The following SECISBP2L variants were observed in gnomAD, a reference collection of about 807,000 sequenced individuals.
SECISBP2L encodes the protein SECIS binding protein 2 like.
In SECISBP2L, 43 loss-of-function variants were observed where a neutral mutation model predicts 114.7. The observed-to-expected ratio is 0.38, with a 90% CI of 0.29 to 0.48. The LOEUF (loss-of-function observed/expected upper bound fraction) is 0.48. Ranked by LOEUF, SECISBP2L falls within the 20% of genes least tolerant of loss-of-function variation. The pLI, the probability that SECISBP2L is intolerant of heterozygous loss-of-function variation, is 0.98. For synonymous variants in SECISBP2L, 451 were observed against 439.7 expected, an observed-to-expected ratio of 1.03 and a Z score of -0.32; for missense variants, 1,136 against 1,301.1, an observed-to-expected ratio of 0.87 and a Z score of 1.95.
Position 48,992,099 on chromosome 15 carries a change from A to AT in SECISBP2L, c.*144dup. On this transcript the variant is annotated 3_prime_UTR_variant, in exon 18 of 18. Transcript: ENST00000559471. Reference sequence around the variant, plus strand: ...CTAATTAAAAGCTAAGCTACAGATCATAACAAGTAAAAGCTACAAAAATAT... The same window carrying AT: ...CTAATTAAAAGCTAAGCTACAGATCATTAACAAGTAAAAGCTACAAAAATAT... The AT allele has an allele frequency of 1.4e-6, 1 of 730,228 alleles. No individual in the cohort carries two copies. The highest frequency in any genetic ancestry group is 2.2e-6 in the Non-Finnish European group (1 of 462,718). The allele number at this position is 730,228 out of a possible 1,614,324, so 45.2% of individuals were successfully genotyped here. A position where few individuals can be genotyped will look rare whatever the true frequency, so the allele number is the denominator to read the frequency against.
chr15:49,037,715 C>G lies in SECISBP2L; in HGVS notation c.79G>C (p.Asp27His), dbSNP rs1156440145. The G allele has an allele frequency of 1.2e-6, 2 of 1,612,792 alleles. No homozygotes were observed. Among genetic ancestry groups the G allele is most frequent in the Admixed American group, 3.3e-5 (2 of 60,006 alleles). ...AGAGCCATAGGGATCATAAATGTAT[C>G]AGGACTCTTCTTCTGGGGAATAAAT... is the stretch of plus-strand genomic sequence containing the variant. ...EPFIPQKKSP[D>H]TFMIPMALPN... The change falls in exon 2 of 18, where the codon GAT becomes CAT. Residue 27 changes from aspartate (D) to histidine (H), a missense_variant. Asp to His is a moderately conservative substitution (Grantham distance 81). Coordinates refer to ENST00000559471, the MANE Select transcript of SECISBP2L (RefSeq NM_001193489.2).
chr15:49,033,971 TG>T (rs1277205779), intron 3 of SECISBP2L, among the ~76,000 whole-genome samples: 1 of 152,248 alleles, frequency 6.6e-6, no homozygotes, highest in Admixed American at 6.5e-5. Context: ...ATTGAAGTGC[TG>T]GGAATGTATT....
chr15:49,035,562 C>T lies in SECISBP2L; in HGVS notation c.300G>A (p.Pro100=), dbSNP rs375212699. The T allele has an allele frequency of 1.3e-5, 21 of 1,614,028 alleles. No homozygotes were observed. Among genetic ancestry groups the T allele is most frequent in the African/African-American group, 2.7e-5 (2 of 74,922 alleles). ...AATATGTATACTCTGTAGAAACAGG[C>T]GGCTGAGCAGATATAATGGGATAGG... The part of the protein sequence containing the change: ...YFAYPIISAQ[P]PVSTEYTYYQ... Residue 100 remains proline (P), a synonymous_variant, in exon 3 of 18, where the codon CCG becomes CCA. Transcript: ENST00000559471.
At position 49,028,697 on chromosome 15, in the gene SECISBP2L, A is replaced by C; in HGVS notation, c.665-15T>G. The C allele has an allele frequency of 1.3e-6, 2 of 1,591,138 alleles. No homozygotes were observed. The highest frequency in any genetic ancestry group is 1.7e-6 in the Non-Finnish European group (2 of 1,159,626). On this transcript the variant is annotated splice_polypyrimidine_tract_variant and intron_variant, in intron 4 of 17. Transcript: ENST00000559471. ...TGATGGGAAATCTACAAAGGCAAGG[A>C]AAGTTTGACAATTCTTTGTGATGAA... is the stretch of plus-strand genomic sequence containing the variant.
chr15:49,035,620 T>G lies in SECISBP2L; in HGVS notation c.242A>C (p.Gln81Pro). 6.2e-7 allele frequency: 1 copy of G among 1,613,770 alleles called. No homozygotes were observed. Among genetic ancestry groups the G allele is most frequent in the Non-Finnish European group, 8.5e-7 (1 of 1,179,686 alleles). The change falls in exon 3 of 18, where the codon CAA (glutamine) becomes CCA (proline). Residue 81 changes from glutamine to proline, a missense_variant. Around this residue, in one of 2 missense-constraint regions of SECISBP2L, gnomAD observed 452 missense variants for 452.3 expected, o/e 1.00. Coordinates refer to ENST00000559471, the MANE Select transcript of SECISBP2L (RefSeq NM_001193489.2). Reference protein sequence around the residue: ...PLYNNDIRWQQPNPNPTGPYF... With the variant: ...PLYNNDIRWQPPNPNPTGPYF... ...TGGTCCAGTAGGGTTTGGATTGGGT[T>G]GTTGCCATCGTATATCATTGTTATA... is the stretch of plus-strand genomic sequence containing the variant.
chr15:49,017,734 T>C, intron 8 of SECISBP2L, 106 bp from the exon 9 acceptor site: 2 of 703,552 alleles, frequency 2.8e-6, no homozygotes, highest in Non-Finnish European at 4.5e-6. Context: ...TTGTATTCTA[T>C]TACTGAATTA....
intron 4 of SECISBP2L, among the ~76,000 whole-genome samples, chr15:49,029,051 G>A (rs538944995): frequency 3.3e-5 from 5 of 152,008 alleles, no homozygotes; most frequent in African/African-American, 4.8e-5. Flanking sequence ...ACAGGGTTTC[G>A]CCATGTTGCC....
intron 1 of SECISBP2L, among the ~76,000 whole-genome samples, chr15:49,039,173 T>C (rs898305478): frequency 6.6e-6 from 1 of 152,338 alleles, no homozygotes; most frequent in Admixed American, 6.5e-5. Context: ...TTTGTACTAT[T>C]AACCAAATCA....
chr15:49,035,632 A>G lies in SECISBP2L; in HGVS notation c.230T>C (p.Ile77Thr), dbSNP rs779776864. ...NRQFPLYNND[I>T]RWQQPNPNPT... ...GTTTGGATTGGGTTGTTGCCATCGT[A>G]TATCATTGTTATATAAAGGAAACTG... Residue 77 changes from isoleucine (I) to threonine (T), a missense_variant, in exon 3 of 18, where the codon ATA becomes ACA. Coordinates refer to ENST00000559471, the MANE Select transcript of SECISBP2L (RefSeq NM_001193489.2). 12 of 1,612,090 alleles carry G rather than the reference A, an allele frequency of 7.4e-6. No homozygotes were observed. The highest frequency in any genetic ancestry group is 1.7e-4 in the Middle Eastern group (1 of 6,058).
In SECISBP2L at chr15:48,996,449, A is replaced by T. The variant is rs1338030076; in HGVS notation, c.2541T>A (p.Ser847=). The T allele has an allele frequency of 5.6e-6, 9 of 1,614,160 alleles. No individual in the cohort carries two copies. The highest frequency in any genetic ancestry group is 7.6e-6 in the Non-Finnish European group (9 of 1,180,010). The change falls in exon 17 of 18, where the codon TCT becomes TCA. Residue 847 remains serine (S), a synonymous_variant. Coordinates refer to ENST00000559471, the MANE Select transcript of SECISBP2L (RefSeq NM_001193489.2). ...VKKVPHHMGH[S]RNPSAASAIS... is the part of the protein sequence containing the mutation. The stretch of plus-strand genomic sequence containing the variant: ...TGGCACTTGCTGCAGAGGGATTCCG[A>T]GAATGTCCCATGTGGTGTGGTACCT...
In SECISBP2L at chr15:49,007,426, G is replaced by C. The variant is rs547629761; in HGVS notation, c.2027+1790C>G. Among the ~76,000 whole-genome samples the C allele has an allele frequency of 6.6e-4, 100 of 152,314 alleles. 2 individuals carry two copies. In the South Asian group the frequency reaches 0.02, roughly 31 times the overall value. Reference sequence around the variant, plus strand: ...CCCTTCCCCAAGATGCTCTGTCCCAGGCAGATGGGAGTTTTATCTGTAAGC... The same window carrying C: ...CCCTTCCCCAAGATGCTCTGTCCCACGCAGATGGGAGTTTTATCTGTAAGC... On this transcript the variant is annotated intron_variant, in intron 14 of 17. Coordinates refer to ENST00000559471, the MANE Select transcript of SECISBP2L (RefSeq NM_001193489.2).
intron 1 of SECISBP2L, among the ~76,000 whole-genome samples, chr15:49,042,119 G>C (rs1903150168): frequency 6.6e-6 from 1 of 152,126 alleles, no homozygotes; most frequent in African/African-American, 2.4e-5. Context: ...CAGCTTTCTA[G>C]ATTTAATATT....
At chr15:49,009,147 A>G in intron 14 of SECISBP2L, 69 bp downstream of exon 14, 1 of 1,499,880 alleles carries the variant, frequency 6.7e-7, no homozygotes, top group Non-Finnish European at 9.1e-7. Flanking sequence ...TAACAATGAC[A>G]ATACTAAATT....
At position 49,017,529 on chromosome 15, in the gene SECISBP2L, T is replaced by C. The variant is rs1902560287; in HGVS notation, c.1251+19A>G. On this transcript the variant is annotated intron_variant, in intron 9 of 17. Coordinates refer to ENST00000559471, the MANE Select transcript of SECISBP2L (RefSeq NM_001193489.2). ...CAAAAGATGTTATATTTTGCTTTTCTTTTTAAAGAGTTACTTACTACTTTA... is the reference window on the plus strand; with the variant it reads ...CAAAAGATGTTATATTTTGCTTTTCCTTTTAAAGAGTTACTTACTACTTTA... The C allele has an allele frequency of 6.6e-7, 1 of 1,507,542 alleles. No homozygotes were observed. Among genetic ancestry groups the C allele is most frequent in the East Asian group, 2.3e-5 (1 of 44,098 alleles). 93.4% of individuals were successfully genotyped at this position (1,507,542 alleles called of 1,614,324 possible).
intron 7 of SECISBP2L, 77 bp from the exon 8 acceptor site, chr15:49,019,629 C>A: frequency 8.5e-7 from 1 of 1,175,262 alleles, no homozygotes; most frequent in Non-Finnish European, 1.1e-6. Flanking sequence ...AACATACTGG[C>A]AGAAAAGTAC....
chr15:49,035,119 G>A (rs1381668118), intron 3 of SECISBP2L, among the ~76,000 whole-genome samples: 1 of 152,100 alleles, frequency 6.6e-6, no homozygotes, highest in Admixed American at 6.5e-5. Flanking sequence ...AAAGGAATGT[G>A]AAAATGATTA....
intron 16 of SECISBP2L, among the ~76,000 whole-genome samples, chr15:48,998,203 A>C (rs961776184): frequency 6.6e-6 from 1 of 152,236 alleles, no homozygotes; most frequent in Non-Finnish European, 1.5e-5. Flanking sequence ...AAGTCTCTGA[A>C]GATTCATCTC....
chr15:49,016,204 T>C (rs146190985), intron 11 of SECISBP2L, among the ~76,000 whole-genome samples: 1 of 151,808 alleles, frequency 6.6e-6, no homozygotes. Context: ...AGACAAGGGG[T>C]TGTGGGGAGG....
rs902221464 is a variant in SECISBP2L at position 48,991,549 on chromosome 15, T to A, written c.*695A>T. 4 of 152,534 alleles carry A rather than the reference T, an allele frequency of 2.6e-5. No homozygotes were observed. The highest frequency in any genetic ancestry group is 5.9e-5 in the Non-Finnish European group (4 of 68,022). 9.4% of individuals were successfully genotyped at this position (152,534 alleles called of 1,614,324 possible). On this transcript the variant is annotated 3_prime_UTR_variant, in exon 18 of 18. Coordinates refer to ENST00000559471, the MANE Select transcript of SECISBP2L (RefSeq NM_001193489.2). ...GCAAATATGAGACAGAACCTGGAGG[T>A]CCTATCATGGGTGACTGTTCACTAT...
Sources: gnomAD v4.1 joint callset for allele counts (sites outside exome capture counted in the v4.1 genomes callset) on GRCh38, gnomAD v4.1.1 for gene constraint, gnomAD v4.1.1 regional missense constraint, MANE v1.5 for transcripts, NCBI Gene and HGNC (gene_info 2026-07-23, HGNC 2026-07-21) for gene names.